DHX34: variants seen among roughly 807,000 people sequenced by gnomAD.
The protein encoded by DHX34 is probable ATP-dependent RNA helicase DHX34.
In DHX34, 96 loss-of-function variants were observed where a neutral mutation model predicts 111.1. The observed-to-expected ratio is 0.86, with a 90% CI of 0.73 to 1.02. The LOEUF (loss-of-function observed/expected upper bound fraction) is 1.02, where lower values mean the gene tolerates loss of function less well. DHX34 is among the 50% of genes least tolerant of loss of function. The pLI, the probability that DHX34 is intolerant of heterozygous loss-of-function variation, is 0.00. For missense variants in DHX34, 1,560 were observed against 1,579.9 expected, an observed-to-expected ratio of 0.99 and a Z score of 0.21; for synonymous variants, 688 against 670.4, an observed-to-expected ratio of 1.03 and a Z score of -0.41.
chr19:47,360,758 G>A (rs1220339022), intron 5 of DHX34, among the ~76,000 whole-genome samples: 1 of 151,858 alleles, frequency 6.6e-6, no homozygotes, highest in African/African-American at 2.4e-5. Context: ...TGCAAGCTCC[G>A]CCTCCCGGGT....
rs762086905 is a variant in DHX34, at chr19:47,353,673, A to G, written c.643A>G (p.Ile215Val). The G allele has an allele frequency of 1.9e-6, 3 of 1,612,130 alleles. No individual in the cohort carries two copies. Among genetic ancestry groups the G allele is most frequent in the Non-Finnish European group, 2.5e-6 (3 of 1,179,444 alleles). ...SHVACTQPRR[I>V]ACISLAKRVG... ...TGTGGCGTGCACCCAGCCCCGGCGGATCGCCTGCATCTCACTGGCCAAGCG... is the reference window on the plus strand; with the variant it reads ...TGTGGCGTGCACCCAGCCCCGGCGGGTCGCCTGCATCTCACTGGCCAAGCG... Residue 215 changes from isoleucine (I) to valine (V), a missense_variant, in exon 2 of 17, where the codon ATC (isoleucine) becomes GTC (valine). Transcript: ENST00000328771. The surrounding 1 kb of genome is among the most constrained non-coding windows in gnomAD (Gnocchi z 4.6).
In DHX34 at chr19:47,382,026, G is replaced by A. The variant is rs1568410350; in HGVS notation, c.3345G>A (p.Leu1115=). Residue 1115 remains leucine (L), a synonymous_variant, in exon 17 of 17, where the codon CTG becomes CTA. Transcript: ENST00000328771. The part of the protein sequence containing the change: ...ALETLQKTSV[L]QRPYHCEACG... ...AAACCCTCCAGAAGACATCTGTCCT[G>A]CAGAGGCCCTACCACTGCGAGGCCT... 3.7e-6 allele frequency: 6 copies of A among 1,614,128 alleles called. No individual in the cohort carries two copies. Among genetic ancestry groups the A allele is most frequent in the Admixed American group, 1.7e-5 (1 of 60,002 alleles).
chr19:47,368,266 A>C lies in DHX34; in HGVS notation c.1768+1111A>C, dbSNP rs1480387866. Reference sequence around the variant, plus strand: ...GTGAGAGGGAGAAGGTGGGAGATGTAACCAACAGTCTCATCATTCATTCAT... The same window carrying C: ...GTGAGAGGGAGAAGGTGGGAGATGTCACCAACAGTCTCATCATTCATTCAT... On this transcript the variant is annotated intron_variant, in intron 7 of 16. Transcript: ENST00000328771. Among the ~76,000 whole-genome samples the C allele has an allele frequency of 4.6e-4, 41 of 89,856 alleles. No homozygotes were observed. In the East Asian group the frequency reaches 0.016, roughly 34 times the overall value. 58.9% of individuals were successfully genotyped at this position (89,856 alleles called of 152,430 possible).
intron 14 of DHX34, 91 bp downstream of exon 14, chr19:47,380,076 C>A (rs886322082): frequency 1.4e-5 from 20 of 1,472,372 alleles, no homozygotes; most frequent in Non-Finnish European, 1.7e-5. Flanking sequence ...GCTTCCCATT[C>A]ACTCCACATG....
chr19:47,375,060 C>G (rs886521382), intron 9 of DHX34, among the ~76,000 whole-genome samples: 1 of 152,178 alleles, frequency 6.6e-6, no homozygotes, highest in Admixed American at 6.5e-5. Context: ...CTTGGTCGTT[C>G]TGGGATGAGG....
chr19:47,376,640 C>CT lies in DHX34; in HGVS notation c.2599+81dup. 2.6e-6 allele frequency: 4 copies of CT among 1,510,314 alleles called. No individual in the cohort carries two copies. The South Asian group carries it at 5.1e-5, about 19-fold the overall frequency. The allele number at this position is 1,510,314 out of a possible 1,614,324, so 93.6% of individuals were successfully genotyped here. A position where few individuals can be genotyped will look rare whatever the true frequency, so the allele number is the denominator to read the frequency against. ...ACCGTGAACTCCCAGGCCCCTCTGG[C>CT]TGGGGCTCCCACACCGGCCCAGGCT... On this transcript the variant is annotated intron_variant, in intron 12 of 16. Coordinates refer to ENST00000328771, the MANE Select transcript of DHX34 (RefSeq NM_014681.6).
rs779830950 is a variant in DHX34, at chr19:47,367,055, C to T, written c.1668C>T (p.Thr556=). The T allele has an allele frequency of 1.1e-5, 17 of 1,609,126 alleles. No individual in the cohort carries two copies. The highest frequency in any genetic ancestry group is 6.7e-5 in the African/African-American group (5 of 74,782). Residue 556 remains threonine (T), a synonymous_variant, in exon 7 of 17, where the codon ACC becomes ACT. Coordinates refer to ENST00000328771, the MANE Select transcript of DHX34 (RefSeq NM_014681.6). ...CCCCACCACCAGCCAGCCTGGAAAC[C>T]GCCATCCTCTACCTCCGGGACCAGG... is the stretch of plus-strand genomic sequence containing the variant. ...IEPPPPASLE[T]AILYLRDQGA...
chr19:47,355,104 G>A lies in DHX34; in HGVS notation c.771G>A (p.Val257=), dbSNP rs753427805. 11 of 1,614,070 alleles carry A rather than the reference G, an allele frequency of 6.8e-6. No homozygotes were observed. The highest frequency in any genetic ancestry group is 8.5e-6 in the Non-Finnish European group (10 of 1,180,014). The change falls in exon 3 of 17, where the codon GTG becomes GTA. Residue 257 remains valine, a synonymous_variant. Transcript: ENST00000328771. ...CCACCAAGATTGTATTCCTGACAGTGGGGCTGCTCCTGCGACAAATCCAGC... is the reference window on the plus strand; with the variant it reads ...CCACCAAGATTGTATTCCTGACAGTAGGGCTGCTCCTGCGACAAATCCAGC... ...SAATKIVFLT[V]GLLLRQIQRE...
chr19:47,351,171 C>CTTTTTTTTTT (rs955543104), intron 1 of DHX34, among the ~76,000 whole-genome samples: 4 of 93,076 alleles, frequency 4.3e-5, no homozygotes, highest in Admixed American at 2.7e-4. Context: ...TTTTCTTTTT[C>CTTTTTTTTTT]TTTTTTTTTT....
In DHX34 at chr19:47,353,675, C is replaced by T. The variant is rs772021067; in HGVS notation, c.645C>T (p.Ile215=). The change falls in exon 2 of 17, where the codon ATC becomes ATT. Residue 215 remains isoleucine (I), a synonymous_variant. Coordinates refer to ENST00000328771, the MANE Select transcript of DHX34 (RefSeq NM_014681.6). The surrounding 1 kb of genome is among the most constrained non-coding windows in gnomAD (Gnocchi z 4.6). ...SHVACTQPRR[I]ACISLAKRVG... ...TGGCGTGCACCCAGCCCCGGCGGAT[C>T]GCCTGCATCTCACTGGCCAAGCGTG... 1.9e-5 allele frequency: 30 copies of T among 1,612,146 alleles called. 1 individual carries two copies. Among genetic ancestry groups the T allele is most frequent in the Admixed American group, 1.2e-4 (7 of 59,932 alleles).
Position 47,375,963 on chromosome 19 carries a change from C to T in DHX34, c.2347C>T (p.Gln783Ter). Residue 783 changes from glutamine (Q) to a stop codon, truncating the protein, a stop_gained, in exon 11 of 17, where the codon CAG (glutamine) becomes TAG (stop). Transcript: ENST00000328771. LOFTEE classifies it high-confidence loss of function. ...FKLRHDLAQL[Q>*]AAASSAQDLS... ...GCTTCGGCATGACCTGGCGCAGCTGCAGGCCGCTGCCAGCTCAGCCCAGGA... is the reference window on the plus strand; with the variant it reads ...GCTTCGGCATGACCTGGCGCAGCTGTAGGCCGCTGCCAGCTCAGCCCAGGA... 6.2e-7 allele frequency: 1 copy of T among 1,602,942 alleles called. No homozygotes were observed. The highest frequency in any genetic ancestry group is 8.5e-7 in the Non-Finnish European group (1 of 1,177,518).
At chr19:47,368,657 CACACATACACACACATATATAT>C (rs1969874254) in intron 7 of DHX34, among the ~76,000 whole-genome samples, 1 of 144,458 alleles carries the variant, frequency 6.9e-6, no homozygotes, top group African/African-American at 2.5e-5. Context: ...CACACACACA[CACACATACACACACATATATAT>C]ACATACACAC....
In DHX34 at chr19:47,355,023, C is replaced by G. The variant is rs760190842; in HGVS notation, c.706-16C>G. ...GCTCAGGGTCCTCTCCTGATCCTTT[C>G]TTTCTCCCACCCCAGGTCGGCTACC... On this transcript the variant is annotated splice_polypyrimidine_tract_variant and intron_variant, in intron 2 of 16. Coordinates refer to ENST00000328771, the MANE Select transcript of DHX34 (RefSeq NM_014681.6). 6.2e-7 allele frequency: 1 copy of G among 1,612,008 alleles called. No individual in the cohort carries two copies. Among genetic ancestry groups the G allele is most frequent in the East Asian group, 2.2e-5 (1 of 44,860 alleles).
intron 5 of DHX34, among the ~76,000 whole-genome samples, chr19:47,361,311 A>T (rs898524832): frequency 2.6e-5 from 4 of 151,882 alleles, no homozygotes; most frequent in Admixed American, 6.6e-5. Flanking sequence ...TACAAAAATT[A>T]GCCAGGCATG....
Position 47,376,058 on chromosome 19 carries a change from C to A in DHX34, c.2442C>A (p.Val814=), listed in dbSNP as rs1438754218. Residue 814 remains valine (V), a synonymous_variant, in exon 11 of 17, where the codon GTC becomes GTA. Coordinates refer to ENST00000328771, the MANE Select transcript of DHX34 (RefSeq NM_014681.6). Reference sequence around the variant, plus strand: ...GGGGCCTGTACCCACAGCTGGCCGTCCCCGACGCCTTCAACAGCAGCCGAA... The same window carrying A: ...GGGGCCTGTACCCACAGCTGGCCGTACCCGACGCCTTCAACAGCAGCCGAA... ...LGRGLYPQLA[V]PDAFNSSRKD... 1 of 1,581,158 alleles carries A rather than the reference C, an allele frequency of 6.3e-7. No individual in the cohort carries two copies. The highest frequency in any genetic ancestry group is 8.6e-7 in the Non-Finnish European group (1 of 1,165,928).
chr19:47,381,596 T>C, intron 16 of DHX34: 1 of 588,688 alleles, frequency 1.7e-6, no homozygotes, highest in Non-Finnish European at 2.9e-6. Context: ...TGTGGCTATG[T>C]CTCTTGTTAT....
chr19:47,350,420 ATTTTTTTTTT>A (rs113841688), intron 1 of DHX34, among the ~76,000 whole-genome samples: 2 of 137,780 alleles, frequency 1.5e-5, no homozygotes, highest in Non-Finnish European at 3.2e-5. Flanking sequence ...ACAAAAATGA[ATTTTTTTTTT>A]TTTTTTTTGA....
At position 47,373,041 on chromosome 19, in the gene DHX34, C is replaced by T. The variant is rs146678435; in HGVS notation, c.1962+118C>T. ...CCCACCCTGGGAGGACCACTGAGCC[C>T]CCCACAGACTGGGCCTGCCTGGGGA... On this transcript the variant is annotated intron_variant, in intron 8 of 16. Coordinates refer to ENST00000328771, the MANE Select transcript of DHX34 (RefSeq NM_014681.6). 904 of 1,320,442 alleles carry T rather than the reference C, an allele frequency of 6.8e-4. 7 individuals are homozygous for T. In the African/African-American group the frequency reaches 0.012, roughly 17 times the overall value. 81.8% of individuals were successfully genotyped at this position (1,320,442 alleles called of 1,614,324 possible).
Position 47,353,196 on chromosome 19 carries a change from GA to G in DHX34, c.168del (p.Glu56AspfsTer120), listed in dbSNP as rs1969341111. The G allele has an allele frequency of 1.2e-6, 2 of 1,614,068 alleles. No individual in the cohort carries two copies. The highest frequency in any genetic ancestry group is 2.7e-5 in the African/African-American group (2 of 74,930). On this transcript the variant is annotated frameshift_variant, in exon 2 of 17. Coordinates refer to ENST00000328771, the MANE Select transcript of DHX34 (RefSeq NM_014681.6). LOFTEE classifies it high-confidence loss of function. The surrounding 1 kb of genome is among the most constrained non-coding windows in gnomAD (Gnocchi z 4.6). ...GGATTACATCCGTCAGGGTTCTGAG[GA>G]ATGTCAGAAGTTTTGGACCTTCTTT... ...EEDYIRQGSE[E>X]CQKFWTFFER... is the part of the protein sequence containing the mutation.
Sources: gnomAD v4.1 joint callset for allele counts (sites outside exome capture counted in the v4.1 genomes callset) on GRCh38, gnomAD v4.1.1 for gene constraint, Gnocchi (gnomAD v3.1) non-coding constraint, MANE v1.5 for transcripts, NCBI Gene and HGNC (gene_info 2026-07-23, HGNC 2026-07-21) for gene names.